PCLO: variants seen among roughly 807,000 people sequenced by gnomAD.
The protein encoded by PCLO is piccolo presynaptic cytomatrix protein.
PCLO carries 82 observed loss-of-function variants against 427.5 expected under a neutral mutation model. The ratio of observed to expected loss-of-function variants is 0.19; its 90% CI spans 0.16 to 0.23. PCLO has a LOEUF of 0.23. PCLO is among the 10% of genes least tolerant of loss of function. The pLI is 1.00. For missense variants in PCLO, 6,239 were observed against 6,115.9 expected, an observed-to-expected ratio of 1.02 and a Z score of -0.67; for synonymous variants, 2,357 against 2,155.4, an observed-to-expected ratio of 1.09 and a Z score of -2.59.
chr7:83,067,069 C>A (rs564867065), intron 3 of PCLO, among the ~76,000 whole-genome samples: 1 of 152,296 alleles, frequency 6.6e-6, no homozygotes, highest in Admixed American at 6.5e-5. Context: ...TTCATGCTAT[C>A]TGTATAAGGT....
intron 3 of PCLO, among the ~76,000 whole-genome samples, chr7:83,024,338 G>T (rs1246750570): frequency 6.6e-6 from 1 of 152,222 alleles, no homozygotes; most frequent in Non-Finnish European, 1.5e-5. Flanking sequence ...CAAAGAAAGG[G>T]GTGATGGACG....
intron 3 of PCLO, among the ~76,000 whole-genome samples, chr7:83,088,224 T>A (rs1790287842): frequency 6.6e-6 from 1 of 152,016 alleles, no homozygotes; most frequent in Admixed American, 6.6e-5. Context: ...ACCAAGTACA[T>A]CCCAACAAAA....
Position 82,905,610 on chromosome 7 carries a change from T to G in PCLO, c.13438-2869A>C, listed in dbSNP as rs931415346. On this transcript the variant is annotated intron_variant, in intron 8 of 24. Coordinates refer to ENST00000333891, the MANE Select transcript of PCLO (RefSeq NM_033026.6). ...TTCTGGGGAAGTGGGGGTGGTAGTG[T>G]CAGGGGAGTCTTCTTGCATCATGGG... 3.9e-5 allele frequency among the ~76,000 whole-genome samples: 6 copies of G among 151,948 alleles called. No individual in the cohort carries two copies. In the East Asian group the frequency reaches 1.2e-3, roughly 30 times the overall value.
chr7:83,156,500 T>C (rs988265501), intron 1 of PCLO, 108 bp from the exon 2 acceptor site: 2 of 677,998 alleles, frequency 2.9e-6, no homozygotes, highest in Admixed American at 3.0e-5. Flanking sequence ...ATTATGAATG[T>C]ATAAATATAA....
At chr7:83,038,029 A>ATATT (rs1788855213) in intron 3 of PCLO, among the ~76,000 whole-genome samples, 1 of 36,496 alleles carries the variant, frequency 2.7e-5, no homozygotes, top group Admixed American at 4.7e-4. Context: ...ATATATATAT[A>ATATT]TTTATATATT....
chr7:83,038,075 A>ATATATATATATTTATATATT (rs1788870523), intron 3 of PCLO, among the ~76,000 whole-genome samples: 2 of 48,388 alleles, frequency 4.1e-5, no homozygotes, highest in African/African-American at 1.5e-4. Context: ...TTATATATTT[A>ATATATATATATTTATATATT]TATATATATC....
Position 82,966,461 on chromosome 7 carries a change from G to A in PCLO, c.3327C>T (p.Cys1109=). 6.3e-7 allele frequency: 1 copy of A among 1,581,896 alleles called. No individual in the cohort carries two copies. Among genetic ancestry groups the A allele is most frequent in the South Asian group, 1.2e-5 (1 of 85,058 alleles). Residue 1109 remains cysteine (C), a synonymous_variant, in exon 4 of 25, where the codon TGC becomes TGT. Transcript: ENST00000333891. ...TEIQEWLCLN[C]QTQRAISGQL... Reference sequence around the variant, plus strand: ...GTCCTGATATTGCTCTCTGGGTTTGGCAATTTAAACAAAGCCATTCTTGAA... The same window carrying A: ...GTCCTGATATTGCTCTCTGGGTTTGACAATTTAAACAAAGCCATTCTTGAA...
rs36081669 is a variant in PCLO at position 82,834,946 on chromosome 7, C to CTTT, written c.14249+718_14249+720dup. The stretch of plus-strand genomic sequence containing the variant: ...GGGACCAAGTTCAAACACCTATTAT[C>CTTT]TTTTTTTTTGTTTGTTTGTTTGTTT... On this transcript the variant is annotated intron_variant, in intron 16 of 24. Coordinates refer to ENST00000333891, the MANE Select transcript of PCLO (RefSeq NM_033026.6). Among the ~76,000 whole-genome samples, 39 of 123,034 alleles carry CTTT rather than the reference C, an allele frequency of 3.2e-4. No homozygotes were observed. The East Asian group carries it at 8.6e-3, about 27-fold the overall frequency. The allele number at this position is 123,034 out of a possible 152,430, so 80.7% of individuals were successfully genotyped here. A position where few individuals can be genotyped will look rare whatever the true frequency, so the allele number is the denominator to read the frequency against.
chr7:83,108,324 T>C (rs2116513466), intron 3 of PCLO, among the ~76,000 whole-genome samples: 1 of 152,246 alleles, frequency 6.6e-6, no homozygotes, highest in South Asian at 2.1e-4. Context: ...TTAACTGTTA[T>C]CTCAGCAGAT....
At chr7:83,055,352 C>A (rs1789353543) in intron 3 of PCLO, among the ~76,000 whole-genome samples, 1 of 152,124 alleles carries the variant, frequency 6.6e-6, no homozygotes, top group Non-Finnish European at 1.5e-5. Context: ...TTTGAAGAGA[C>A]TCACCACAGG....
chr7:82,898,246 C>T (rs1413316887), intron 9 of PCLO, among the ~76,000 whole-genome samples: 1 of 151,240 alleles, frequency 6.6e-6, no homozygotes, highest in African/African-American at 2.4e-5. Flanking sequence ...CAAATTCTGC[C>T]CTTGCATTAC....
intron 13 of PCLO, among the ~76,000 whole-genome samples, chr7:82,842,964 T>C (rs933890966): frequency 6.6e-6 from 1 of 152,082 alleles, no homozygotes; most frequent in African/African-American, 2.4e-5. Context: ...GGAATGTAAA[T>C]TGATATATCC....
intron 3 of PCLO, among the ~76,000 whole-genome samples, chr7:83,133,440 A>G (rs1791623711): frequency 6.6e-6 from 1 of 152,076 alleles, no homozygotes. Flanking sequence ...ATATTCTAAT[A>G]GCCCTAACAT....
At chr7:82,906,173 A>G (rs1175669530) in intron 8 of PCLO, among the ~76,000 whole-genome samples, 1 of 151,968 alleles carries the variant, frequency 6.6e-6, no homozygotes, top group Non-Finnish European at 1.5e-5. Flanking sequence ...CTAATAAAAA[A>G]TTTTCAGAAA....
At chr7:82,820,644 T>C (rs1274848400) in intron 20 of PCLO, 3 of 1,230,544 alleles carry the variant, frequency 2.4e-6, no homozygotes, top group Non-Finnish European at 3.0e-6. Context: ...GCATTAACAA[T>C]TTTTCCTTTA....
intron 22 of PCLO, among the ~76,000 whole-genome samples, chr7:82,782,835 T>C (rs2129468166): frequency 6.6e-6 from 1 of 152,318 alleles, no homozygotes; most frequent in Non-Finnish European, 1.5e-5. Context: ...CAATCTCTTA[T>C]TTTATCTGTC....
intron 10 of PCLO, among the ~76,000 whole-genome samples, chr7:82,874,669 T>C: frequency 6.6e-6 from 1 of 152,190 alleles, no homozygotes; most frequent in East Asian, 1.9e-4. Flanking sequence ...GCATTTATTG[T>C]TTTAAGTCTA....
At chr7:82,890,459 A>G (rs946831296) in intron 9 of PCLO, among the ~76,000 whole-genome samples, 3 of 151,928 alleles carry the variant, frequency 2.0e-5, no homozygotes, top group African/African-American at 7.2e-5. Flanking sequence ...CATATCTAGT[A>G]TAAGGCTGAT....
At chr7:82,957,715 T>G (rs1795559393) in intron 4 of PCLO, among the ~76,000 whole-genome samples, 1 of 152,242 alleles carries the variant, frequency 6.6e-6, no homozygotes. Context: ...ACATTTATCT[T>G]CAGCATCTCA....
Sources: gnomAD v4.1 joint callset for allele counts (sites outside exome capture counted in the v4.1 genomes callset) on GRCh38, gnomAD v4.1.1 for gene constraint, MANE v1.5 for transcripts, NCBI Gene and HGNC (gene_info 2026-07-23, HGNC 2026-07-21) for gene names.